Variants in ZNF558 observed in about 807,000 individuals in gnomAD.
ZNF558 encodes the protein zinc finger protein 558.
Under a neutral mutation model 37.6 loss-of-function variants are expected in ZNF558, and 23 were observed. The ratio of observed to expected loss-of-function variants is 0.61; its 90% CI spans 0.44 to 0.87. The LOEUF is 0.87. ZNF558 is among the 40% of genes least tolerant of loss of function. ZNF558 has a pLI of 0.00. For synonymous variants in ZNF558, 189 were observed against 174.4 expected (o/e 1.08, Z -0.66); for missense variants, 429 against 483.7 (o/e 0.89, Z 1.06).
At position 8,806,170 on chromosome 19, in the gene ZNF558, T is replaced by C. The variant is rs2043702470; in HGVS notation, c.*5111A>G. The C allele has an allele frequency of 6.6e-6, 1 of 152,220 alleles. No individual in the cohort carries two copies. The highest frequency in any genetic ancestry group is 2.4e-5 in the African/African-American group (1 of 41,450). 9.4% of individuals were successfully genotyped at this position (152,220 alleles called of 1,614,324 possible). ...CTAGTTTGGGGAGATCAATGCAATG[T>C]GTTTTTAAAAGCATTTTATTTTGGA... On this transcript the variant is annotated 3_prime_UTR_variant, in exon 10 of 10. Coordinates refer to ENST00000601372, the MANE Select transcript of ZNF558 (RefSeq NM_144693.3).
At position 8,811,844 on chromosome 19, in the gene ZNF558, C is replaced by T. The variant is rs1464745186; in HGVS notation, c.646G>A (p.Ala216Thr). 8.7e-6 allele frequency: 14 copies of T among 1,614,018 alleles called. No individual in the cohort carries two copies. The highest frequency in any genetic ancestry group is 1.2e-5 in the Non-Finnish European group (14 of 1,180,022). The change falls in exon 10 of 10, where the codon GCA becomes ACA. Residue 216 changes from alanine to threonine, a missense_variant. Coordinates refer to ENST00000601372, the MANE Select transcript of ZNF558 (RefSeq NM_144693.3). ...CTAAGGGATGAGGGATCACTAAATGCTTTCCCACAGTGATTGCATTCATAG... is the reference window on the plus strand; with the variant it reads ...CTAAGGGATGAGGGATCACTAAATGTTTTCCCACAGTGATTGCATTCATAG... ...KPYECNHCGK[A>T]FSDPSSLRLH...
chr19:8,828,917 C>G (rs142480535), intron 2 of ZNF558, among the ~76,000 whole-genome samples: 1,513 of 147,726 alleles, frequency 0.01, 13 homozygotes, highest in Non-Finnish European at 0.018. Context: ...GAGCTGAGAT[C>G]GTGCCATTGC....
chr19:8,826,444 C>T (rs2044233156), intron 2 of ZNF558, among the ~76,000 whole-genome samples: 1 of 151,308 alleles, frequency 6.6e-6, no homozygotes, highest in South Asian at 2.1e-4. Flanking sequence ...TGATGGGAGA[C>T]AGCAACAGAT....
Position 8,811,502 on chromosome 19 carries a change from T to C in ZNF558, c.988A>G (p.Ser330Gly). ...YECNECGKSF[S>G]SSFSLTVHKR... ...TGCACAGTAAGAGAAAAGCTACTGC[T>C]GAAGGATTTCCCACACTCGTTACAT... Residue 330 changes from serine to glycine, a missense_variant, in exon 10 of 10, where the codon AGC (serine) becomes GGC (glycine). Transcript: ENST00000601372. 1 of 1,614,196 alleles carries C rather than the reference T, an allele frequency of 6.2e-7. No individual in the cohort carries two copies. The highest frequency in any genetic ancestry group is 8.5e-7 in the Non-Finnish European group (1 of 1,180,006).
At chr19:8,833,283 CA>C (rs1299975813), upstream of ZNF558, 1 of 152,164 alleles carries the variant, frequency 6.6e-6, no homozygotes, top group Non-Finnish European at 1.5e-5. Flanking sequence ...CTTGCTTTCC[CA>C]AGGCAGAACA....
rs1045277334 is a variant in ZNF558 at position 8,806,347 on chromosome 19, G to C, written c.*4934C>G. 3 of 152,068 alleles carry C rather than the reference G, an allele frequency of 2.0e-5. No individual in the cohort carries two copies. Among genetic ancestry groups the C allele is most frequent in the African/African-American group, 7.2e-5 (3 of 41,382 alleles). 9.4% of individuals were successfully genotyped at this position (152,068 alleles called of 1,614,324 possible). ...TGGAATCATTTTCCTGAAGCCTGAA[G>C]AAATCTCTTCAGTGTTTCTGAAAAT... On this transcript the variant is annotated 3_prime_UTR_variant, in exon 10 of 10. Transcript: ENST00000601372.
chr19:8,820,510 T>C (rs1323588415), intron 7 of ZNF558, among the ~76,000 whole-genome samples: 3 of 152,142 alleles, frequency 2.0e-5, no homozygotes, highest in African/African-American at 7.2e-5. Context: ...TGAGACACAG[T>C]TGTGCTCTGT....
intron 7 of ZNF558, among the ~76,000 whole-genome samples, chr19:8,820,215 T>C (rs2044048571): frequency 6.6e-6 from 1 of 152,122 alleles, no homozygotes; most frequent in Admixed American, 6.5e-5. Context: ...TGTGGAAAAG[T>C]CTGGCAGTTC....
chr19:8,835,372 C>T (rs770116091), upstream of ZNF558, among the ~76,000 whole-genome samples: 3 of 151,926 alleles, frequency 2.0e-5, no homozygotes, highest in Non-Finnish European at 4.4e-5. Flanking sequence ...ACAAAGAGTT[C>T]GAATCGTCAT....
chr19:8,814,395 T>C (rs140770472), intron 7 of ZNF558, among the ~76,000 whole-genome samples: 3 of 152,226 alleles, frequency 2.0e-5, no homozygotes, highest in Non-Finnish European at 2.9e-5. Flanking sequence ...GATCGACAGA[T>C]GTAAAGGTAA....
intron 2 of ZNF558, among the ~76,000 whole-genome samples, chr19:8,827,978 G>C (rs543204632): frequency 1.3e-5 from 2 of 152,068 alleles, no homozygotes; most frequent in Admixed American, 6.5e-5. Flanking sequence ...CAGCTTCTTC[G>C]ACGGCAGTGC....
rs781976754 is a variant in ZNF558, at chr19:8,811,637, T to A, written c.853A>T (p.Ile285Phe). Residue 285 changes from isoleucine (I) to phenylalanine (F), a missense_variant, in exon 10 of 10, where the codon ATT becomes TTT. By Grantham distance (21) the Ile-to-Phe change is conservative. Transcript: ENST00000601372. ...TCATAAGGTTTCTCCCCTGTATGAA[T>A]GCTATTGTGCCCAGTGAGAGAGGAC... ...TRSSLTGHNS[I>F]HTGEKPYECH... is the part of the protein sequence containing the mutation. The A allele has an allele frequency of 1.9e-6, 3 of 1,614,228 alleles. No individual in the cohort carries two copies. The highest frequency in any genetic ancestry group is 2.5e-6 in the Non-Finnish European group (3 of 1,180,036).
In ZNF558 at chr19:8,811,334, T is replaced by C; in HGVS notation, c.1156A>G (p.Thr386Ala). The C allele has an allele frequency of 6.2e-7, 1 of 1,610,756 alleles. No homozygotes were observed. The highest frequency in any genetic ancestry group is 8.5e-7 in the Non-Finnish European group (1 of 1,178,484). Reference protein sequence around the residue: ...YECNHCGKSFTSNSYLSVHKR... With the variant: ...YECNHCGKSFASNSYLSVHKR... The stretch of plus-strand genomic sequence containing the variant: ...TGCACAGAAAGATAGGAGTTACTTG[T>C]GAAGGATTTCCCACAATGATTACAT... Residue 386 changes from threonine to alanine, a missense_variant, in exon 10 of 10, where the codon ACA becomes GCA. Coordinates refer to ENST00000601372, the MANE Select transcript of ZNF558 (RefSeq NM_144693.3).
intron 7 of ZNF558, among the ~76,000 whole-genome samples, chr19:8,818,271 G>C (rs1454415140): frequency 6.6e-6 from 1 of 152,044 alleles, no homozygotes; most frequent in Non-Finnish European, 1.5e-5. Context: ...GGCCAACATG[G>C]TGGAACCCTA....
At chr19:8,821,507 C>T (rs2145250972) in intron 6 of ZNF558, 8 of 1,444,772 alleles carry the variant, frequency 5.5e-6, no homozygotes, top group Middle Eastern at 2.5e-4. Context: ...GAGCTCTTCT[C>T]CCTGGCTTCT....
At chr19:8,813,002 T>C (rs781896949) in intron 8 of ZNF558, 125 bp downstream of exon 8, 1 of 721,102 alleles carries the variant, frequency 1.4e-6, no homozygotes, top group South Asian at 1.8e-5. Flanking sequence ...TTCTCGTGCA[T>C]GTTTGTCAGG....
chr19:8,816,433 T>C (rs573128725), intron 7 of ZNF558, among the ~76,000 whole-genome samples: 14 of 152,182 alleles, frequency 9.2e-5, no homozygotes, highest in African/African-American at 3.4e-4. Context: ...GGAGATGACT[T>C]ATGACGTAAA....
rs1260626971 is a variant in ZNF558, at chr19:8,822,174, C to T, written c.32-83G>A. 15 of 1,544,892 alleles carry T rather than the reference C, an allele frequency of 9.7e-6. No homozygotes were observed. Among genetic ancestry groups the T allele is most frequent in the Non-Finnish European group, 1.3e-5 (15 of 1,127,022 alleles). On this transcript the variant is annotated intron_variant, in intron 5 of 9. Coordinates refer to ENST00000601372, the MANE Select transcript of ZNF558 (RefSeq NM_144693.3). This position sits in a 1 kb window ranked among gnomAD's most constrained non-coding sequence, Gnocchi z 4.4. ...CCCCTGATTGACCACACCCACCTCC[C>T]ACACCCACACGGATGAGGCACCACA... is the stretch of plus-strand genomic sequence containing the variant.
rs866677247 is a variant in ZNF558, at chr19:8,822,212, A to G, written c.32-121T>C. 17 of 1,203,320 alleles carry G rather than the reference A, an allele frequency of 1.4e-5. 3 individuals are homozygous for G. In the Middle Eastern group the frequency reaches 3.1e-3, roughly 222 times the overall value. The allele number at this position is 1,203,320 out of a possible 1,614,324, so 74.5% of individuals were successfully genotyped here. A position where few individuals can be genotyped will look rare whatever the true frequency, so the allele number is the denominator to read the frequency against. On this transcript the variant is annotated intron_variant, in intron 5 of 9. Coordinates refer to ENST00000601372, the MANE Select transcript of ZNF558 (RefSeq NM_144693.3). The surrounding 1 kb of genome is among the most constrained non-coding windows in gnomAD (Gnocchi z 4.4). ...ATGAGGCACCACACAGTGCCCACCT[A>G]CGCTCCATGCAAACACCTACCCACA... is the stretch of plus-strand genomic sequence containing the variant.
Sources: allele counts gnomAD v4.1 joint callset (sites outside exome capture counted in the v4.1 genomes callset), GRCh38; gene constraint gnomAD v4.1.1; non-coding constraint Gnocchi (gnomAD v3.1); transcripts MANE v1.5; gene names NCBI Gene and HGNC (gene_info 2026-07-23, HGNC 2026-07-21).